The following CDK12 variants were observed in gnomAD, a reference collection of about 807,000 sequenced individuals.
CDK12 encodes cyclin dependent kinase 12.
Under a neutral mutation model 133.8 loss-of-function variants are expected in CDK12, and 17 were observed. That is an observed-to-expected ratio of 0.13 (90% CI 0.09 to 0.19). The LOEUF (loss-of-function observed/expected upper bound fraction) is 0.19, where lower values mean the gene tolerates loss of function less well. CDK12 is among the 10% of genes least tolerant of loss of function. The probability of loss-of-function intolerance (pLI) is 1.00; values close to 1 mark genes in which losing one functional copy is unlikely to be tolerated. For synonymous variants in CDK12, 694 were observed against 683.6 expected, an observed-to-expected ratio of 1.02 and a Z score of -0.24; for missense variants, 1,508 against 1,818.7, an observed-to-expected ratio of 0.83 and a Z score of 3.11.
At chr17:39,549,792 C>T (rs1168638624), upstream of CDK12, 1 of 152,236 alleles carries the variant, frequency 6.6e-6, no homozygotes, top group Non-Finnish European at 1.5e-5. Flanking sequence ...TAGCCATGCC[C>T]TCTGACTGCC....
rs2054863911 is a variant in CDK12, at chr17:39,531,897, G to T, written c.*581G>T. 1 of 233,676 alleles carries T rather than the reference G, an allele frequency of 4.3e-6. No individual in the cohort carries two copies. The highest frequency in any genetic ancestry group is 2.2e-5 in the African/African-American group (1 of 45,286). The allele number at this position is 233,676 out of a possible 1,614,324, so 14.5% of individuals were successfully genotyped here. A position where few individuals can be genotyped will look rare whatever the true frequency, so the allele number is the denominator to read the frequency against. The stretch of plus-strand genomic sequence containing the variant: ...CCACCATCTCACATTTTGCTTTTAA[G>T]TGAACACTTTTTCCCCATTGAGCAT... On this transcript the variant is annotated 3_prime_UTR_variant, in exon 14 of 14. Transcript: ENST00000447079.
intron 2 of CDK12, among the ~76,000 whole-genome samples, chr17:39,473,894 A>G (rs2049992563): frequency 6.6e-6 from 1 of 151,610 alleles, no homozygotes; most frequent in Admixed American, 6.6e-5. Flanking sequence ...CAAAAAAAAA[A>G]AAAGAAAGAA....
intron 3 of CDK12, among the ~76,000 whole-genome samples, chr17:39,562,912 T>C (rs2056432931): frequency 1.4e-5 from 2 of 148,050 alleles, no homozygotes; most frequent in South Asian, 4.2e-4. Context: ...CTTTTTTTTT[T>C]TTTTTTTTTT....
chr17:39,547,830 A>C (rs2055786976), upstream of CDK12: 1 of 152,290 alleles, frequency 6.6e-6, no homozygotes, highest in Non-Finnish European at 1.5e-5. Context: ...CAGCAGCTCA[A>C]GTAAGTGCCA....
At chr17:39,563,376 T>C (rs1008521069) in intron 3 of CDK12, among the ~76,000 whole-genome samples, 6 of 149,928 alleles carry the variant, frequency 4.0e-5, no homozygotes, top group African/African-American at 1.2e-4. Context: ...TGTAAATATC[T>C]GAGAGAACTC....
chr17:39,513,844 T>A (rs2053634970), intron 8 of CDK12, among the ~76,000 whole-genome samples: 1 of 152,198 alleles, frequency 6.6e-6, no homozygotes, highest in African/African-American at 2.4e-5. Flanking sequence ...TTTATGGGAT[T>A]TTTTATAGAG....
rs898017724 is a variant in CDK12 at position 39,471,537 on chromosome 17, T to C, written c.1705T>C (p.Ser569Pro). ...ALPQQPPLPP[S>P]QPAFSQVPAS... The stretch of plus-strand genomic sequence containing the variant: ...TCCACAGCAACCACCTCTGCCTCCT[T>C]CTCAGCCAGCATTTAGTCAGGTTCC... The change falls in exon 2 of 14, where the codon TCT (serine) becomes CCT (proline). Residue 569 changes from serine (S) to proline (P), a missense_variant. Physicochemically the swap from Ser to Pro is moderately conservative, Grantham distance 74 (BLOSUM62 -1). This residue lies in a region of CDK12 where 347 missense variants were observed against 330.8 expected (regional missense o/e 1.05). Coordinates refer to ENST00000447079, the MANE Select transcript of CDK12 (RefSeq NM_016507.4). 19 of 1,613,502 alleles carry C rather than the reference T, an allele frequency of 1.2e-5. No individual in the cohort carries two copies. The Admixed American group carries it at 1.5e-4, about 13-fold the overall frequency.
intron 1 of CDK12, among the ~76,000 whole-genome samples, chr17:39,464,789 GA>G (rs11302443): frequency 0.63 from 92,880 of 148,320 alleles, 31,823 homozygotes; most frequent in South Asian, 0.89. Context: ...TTCTCTACAG[GA>G]AAAAAAAAAA....
intron 13 of CDK12, among the ~76,000 whole-genome samples, chr17:39,528,326 A>G (rs1342892143): frequency 5.3e-5 from 8 of 151,190 alleles, no homozygotes; most frequent in African/African-American, 4.9e-5. Context: ...GCTTACTTTA[A>G]TAAGTTTTTT....
intron 2 of CDK12, among the ~76,000 whole-genome samples, chr17:39,487,526 C>G (rs777742131): frequency 6.6e-6 from 1 of 150,922 alleles, no homozygotes; most frequent in Admixed American, 6.7e-5. Context: ...GAAGACCTAT[C>G]TGGCCTGATT....
intron 4 of CDK12, among the ~76,000 whole-genome samples, chr17:39,494,205 C>G (rs1204056644): frequency 6.6e-6 from 1 of 152,066 alleles, no homozygotes; most frequent in East Asian, 1.9e-4. Context: ...TCCTGAGTAG[C>G]TGGGATTACA....
intron 5 of CDK12, among the ~76,000 whole-genome samples, chr17:39,497,993 CTCTTTCTCTCTT>C (rs1392291197): frequency 2.3e-5 from 3 of 130,690 alleles, no homozygotes; most frequent in Non-Finnish European, 3.3e-5. Context: ...CTTTCTCTCT[CTCTTTCTCTCTT>C]TCTTTCTTTT....
At chr17:39,564,636 C>G (rs1303363805) in intron 3 of CDK12, 1 of 152,212 alleles carries the variant, frequency 6.6e-6, no homozygotes, top group Non-Finnish European at 1.5e-5. Flanking sequence ...TGCTTAGCAA[C>G]CACTAGTGCT....
chr17:39,528,672 T>C (rs78076728), intron 13 of CDK12, among the ~76,000 whole-genome samples: 1 of 152,164 alleles, frequency 6.6e-6, no homozygotes, highest in African/African-American at 2.4e-5. Flanking sequence ...TTTACACATA[T>C]GAAAGAATTT....
intron 2 of CDK12, among the ~76,000 whole-genome samples, chr17:39,476,241 T>G (rs1282076563): frequency 1.4e-5 from 2 of 147,308 alleles, no homozygotes; most frequent in African/African-American, 5.0e-5. Context: ...TCCCGAGTAG[T>G]TGGGACCACA....
At chr17:39,548,930 C>T (rs2055837876), upstream of CDK12, 1 of 152,574 alleles carries the variant, frequency 6.6e-6, no homozygotes, top group African/African-American at 2.4e-5. Context: ...AGGAGGACAG[C>T]TTGATTAAAC....
At chr17:39,478,972 C>A (rs1370110234) in intron 2 of CDK12, among the ~76,000 whole-genome samples, 1 of 152,058 alleles carries the variant, frequency 6.6e-6, no homozygotes, top group Non-Finnish European at 1.5e-5. Context: ...CTGCTCCTAT[C>A]TTTGACATGA....
At chr17:39,520,300 C>A (rs1032026628) in intron 11 of CDK12, among the ~76,000 whole-genome samples, 2 of 152,164 alleles carry the variant, frequency 1.3e-5, no homozygotes, top group African/African-American at 4.8e-5. Flanking sequence ...TAATTTGACT[C>A]AAGCTATCTT....
At chr17:39,482,356 A>G (rs549308039) in intron 2 of CDK12, among the ~76,000 whole-genome samples, 7 of 151,922 alleles carry the variant, frequency 4.6e-5, no homozygotes, top group Non-Finnish European at 1.0e-4. Context: ...AGCGTACTGA[A>G]CTTCAGGGGA....
Sources: allele counts gnomAD v4.1 joint callset (sites outside exome capture counted in the v4.1 genomes callset), GRCh38; gene constraint gnomAD v4.1.1; regional missense constraint gnomAD v4.1.1; transcripts MANE v1.5; gene names NCBI Gene and HGNC (gene_info 2026-07-23, HGNC 2026-07-21).